KCNA6: variants seen among roughly 807,000 people sequenced by gnomAD.
The protein encoded by KCNA6 is potassium voltage-gated channel subfamily A member 6.
KCNA6 carries 17 observed loss-of-function variants against 29.5 expected under a neutral mutation model. The observed-to-expected ratio is 0.58, with a 90% CI of 0.39 to 0.86. KCNA6 has a LOEUF of 0.86. Among genes scored for constraint, KCNA6 ranks in the 40% least tolerant of loss-of-function variants. The probability of loss-of-function intolerance (pLI) is 0.00; values close to 1 mark genes in which losing one functional copy is unlikely to be tolerated. For synonymous variants in KCNA6, 296 were observed against 304.7 expected (o/e 0.97, Z 0.30); for missense variants, 450 against 703.4 (o/e 0.64, Z 4.07).
the KCNA6 span, among the ~76,000 whole-genome samples, chr12:4,831,442 G>A: frequency 6.6e-6 from 1 of 152,180 alleles, no homozygotes; most frequent in African/African-American, 2.4e-5. Flanking sequence ...CAGCCAGCAT[G>A]AGCCTCTTTC....
At chr12:4,830,038 A>G in the KCNA6 span, among the ~76,000 whole-genome samples, 3 of 152,138 alleles carry the variant, frequency 2.0e-5, no homozygotes, top group South Asian at 2.1e-4. Context: ...GATGAAATCA[A>G]TTGCCTCTCC....
chr12:4,849,489 C>CTTTTTTTTTTT, the KCNA6 span, among the ~76,000 whole-genome samples: 4 of 101,432 alleles, frequency 3.9e-5, no homozygotes, highest in African/African-American at 1.2e-4. Flanking sequence ...GATTTTTGCT[C>CTTTTTTTTTTT]TTTTTTTTTT....
chr12:4,821,039 G>A, the KCNA6 span, among the ~76,000 whole-genome samples: 2 of 152,202 alleles, frequency 1.3e-5, no homozygotes, highest in African/African-American at 4.8e-5. Flanking sequence ...CAGGAACGCT[G>A]ACTTCTGATG....
the KCNA6 span, among the ~76,000 whole-genome samples, chr12:4,845,952 A>G: frequency 2.8e-5 from 4 of 143,792 alleles, no homozygotes; most frequent in African/African-American, 7.8e-5. Context: ...TTTATCTCAC[A>G]TACCTGGACC....
chr12:4,848,692 G>A, the KCNA6 span, among the ~76,000 whole-genome samples: 1,383 of 151,728 alleles, frequency 9.1e-3, 69 homozygotes, highest in Admixed American at 0.075. Context: ...GCACCACCAC[G>A]CCCGGCTAAT....
the KCNA6 span, among the ~76,000 whole-genome samples, chr12:4,827,124 CCTT>C: frequency 6.8e-6 from 1 of 148,066 alleles, no homozygotes; most frequent in African/African-American, 2.5e-5. Context: ...CTCCTTCTTT[CCTT>C]CTTTTCCTCC....
the KCNA6 span, among the ~76,000 whole-genome samples, chr12:4,836,111 T>TC: frequency 6.6e-6 from 1 of 151,168 alleles, no homozygotes; most frequent in Non-Finnish European, 1.5e-5. Flanking sequence ...GGCTATTTTT[T>TC]TTTTTTTTTT....
the KCNA6 span, among the ~76,000 whole-genome samples, chr12:4,826,986 CCTTT>C: frequency 2.0e-5 from 3 of 152,080 alleles, no homozygotes; most frequent in African/African-American, 7.2e-5. Context: ...CCTTCTTCTT[CCTTT>C]CTGCCTCTAT....
chr12:4,850,827 C>A, the KCNA6 span: 248,213 of 442,398 alleles, frequency 0.56, 72,037 homozygotes, highest in Admixed American at 0.64. This position sits in a 1 kb window ranked among gnomAD's most constrained non-coding sequence, Gnocchi z 5.4. Context: ...AAGACGAGAA[C>A]CCTGCCTGGC....
chr12:4,826,248 G>C, the KCNA6 span, among the ~76,000 whole-genome samples: 1 of 152,086 alleles, frequency 6.6e-6, no homozygotes, highest in Non-Finnish European at 1.5e-5. Context: ...GTTTTGTTTT[G>C]TTTTGGTGCT....
chr12:4,846,852 C>T, the KCNA6 span, among the ~76,000 whole-genome samples: 3 of 147,398 alleles, frequency 2.0e-5, no homozygotes, highest in East Asian at 6.0e-4. Context: ...TATCTCAGCT[C>T]ACTGCAAGCT....
At chr12:4,814,234 C>T (rs1946660175), downstream of KCNA6, 1 of 167,114 alleles carries the variant, frequency 6.0e-6, no homozygotes, top group Non-Finnish European at 1.5e-5. This position sits in a 1 kb window ranked among gnomAD's most constrained non-coding sequence, Gnocchi z 4.6. Flanking sequence ...ACCAGTTAAA[C>T]CAACGTCAGT....
Position 4,811,500 on chromosome 12 carries a change from C to A in KCNA6, c.1459C>A (p.Pro487Thr). 1.9e-6 allele frequency: 3 copies of A among 1,614,194 alleles called. No homozygotes were observed. The highest frequency in any genetic ancestry group is 1.7e-6 in the Non-Finnish European group (2 of 1,180,038). Residue 487 changes from proline (P) to threonine (T), a missense_variant, in exon 1 of 1, where the codon CCG (proline) becomes ACG (threonine). Physicochemically the swap from Pro to Thr is conservative, Grantham distance 38 (BLOSUM62 -1). Coordinates refer to ENST00000280684, the Ensembl canonical transcript of KCNA6. The surrounding 1 kb of genome is among the most constrained non-coding windows in gnomAD (Gnocchi z 7.1). ...CCACGTCACTTGTGGGCAGCCTGCG[C>A]CGGACCTGAGGGCAACTGACAACGG...
chr12:4,829,274 C>T, the KCNA6 span, among the ~76,000 whole-genome samples: 1 of 152,110 alleles, frequency 6.6e-6, no homozygotes, highest in East Asian at 1.9e-4. Flanking sequence ...AACCCCATCC[C>T]CCCAAAGCAT....
the KCNA6 span, among the ~76,000 whole-genome samples, chr12:4,842,117 A>G: frequency 6.6e-6 from 1 of 151,394 alleles, no homozygotes; most frequent in Admixed American, 6.6e-5. Context: ...GCCCAAATGT[A>G]AAATTGCCAC....
chr12:4,843,951 A>T, the KCNA6 span, among the ~76,000 whole-genome samples: 2 of 152,156 alleles, frequency 1.3e-5, no homozygotes, highest in Non-Finnish European at 2.9e-5. Flanking sequence ...ATCCAAAACC[A>T]TATCAATAGT....
the KCNA6 span, among the ~76,000 whole-genome samples, chr12:4,831,101 C>T: frequency 2.9e-3 from 442 of 152,330 alleles, 2 homozygotes; most frequent in African/African-American, 0.01. Context: ...GCTGTGCCTC[C>T]TCCTCTTATA....
At chr12:4,827,204 C>CCTTCCTTCCTTCCTT in the KCNA6 span, among the ~76,000 whole-genome samples, 5 of 120,388 alleles carry the variant, frequency 4.2e-5, no homozygotes, top group Admixed American at 8.6e-5. Context: ...TTCCTTCCTT[C>CCTTCCTTCCTTCCTT]CCTCCTTCCT....
chr12:4,835,345 A>G, the KCNA6 span, among the ~76,000 whole-genome samples: 4 of 152,082 alleles, frequency 2.6e-5, no homozygotes, highest in Non-Finnish European at 5.9e-5. Context: ...CGTGTTAGCC[A>G]GGATGGTCTC....
Sources: gnomAD v4.1 joint callset for allele counts (sites outside exome capture counted in the v4.1 genomes callset) on GRCh38, gnomAD v4.1.1 for gene constraint, Gnocchi (gnomAD v3.1) non-coding constraint, MANE v1.5 for transcripts, NCBI Gene and HGNC (gene_info 2026-07-23, HGNC 2026-07-21) for gene names.